CHD9: variants seen among roughly 807,000 people sequenced by gnomAD.
The protein encoded by CHD9 is chromodomain helicase DNA binding protein 9.
A neutral mutation model predicts 316.1 loss-of-function variants in CHD9; 77 were observed. The ratio of observed to expected loss-of-function variants is 0.24; its 90% CI spans 0.20 to 0.29. CHD9 has a LOEUF of 0.29. Ranked by LOEUF, CHD9 falls within the 10% of genes least tolerant of loss-of-function variation. The pLI is 1.00. For synonymous variants in CHD9, 1,129 were observed against 1,158.3 expected (o/e 0.97, Z 0.51); for missense variants, 2,763 against 3,438.1 (o/e 0.80, Z 4.91).
intron 1 of CHD9, among the ~76,000 whole-genome samples, chr16:53,144,883 T>A (rs1437126563): frequency 6.6e-6 from 1 of 151,492 alleles, no homozygotes; most frequent in Non-Finnish European, 1.5e-5. Flanking sequence ...TCTCAGCTAC[T>A]CAGGAGGCAG....
intron 13 of CHD9, among the ~76,000 whole-genome samples, chr16:53,244,476 C>T (rs560810594): frequency 1.3e-5 from 2 of 152,244 alleles, no homozygotes; most frequent in Admixed American, 1.3e-4. Context: ...CAGGCATGAG[C>T]CACCGCGCCC....
At position 53,245,780 on chromosome 16, in the gene CHD9, T is replaced by C; in HGVS notation, c.3384T>C (p.Thr1128=). The change falls in exon 15 of 39, where the codon ACT becomes ACC. Residue 1128 remains threonine, a synonymous_variant. Coordinates refer to ENST00000447540, the MANE Select transcript of CHD9 (RefSeq NM_001308319.2). The surrounding 1 kb of genome is among the most constrained non-coding windows in gnomAD (Gnocchi z 4.1). The part of the protein sequence containing the change: ...FSFLSKGAGQ[T]NVPNLVNTMM... ...TTTTATCCAAAGGAGCAGGACAAAC[T>C]AATGTACCTAACTTGGTCAATACCA... 8 of 1,606,188 alleles carry C rather than the reference T, an allele frequency of 5.0e-6. No homozygotes were observed. The highest frequency in any genetic ancestry group is 6.8e-6 in the Non-Finnish European group (8 of 1,176,850).
chr16:53,194,955 A>C (rs1014983490), intron 2 of CHD9, among the ~76,000 whole-genome samples: 2 of 152,248 alleles, frequency 1.3e-5, no homozygotes, highest in African/African-American at 2.4e-5. Flanking sequence ...GCATTAAGAG[A>C]ACAGTTGGTC....
rs540906966 is a variant in CHD9 at position 53,072,704 on chromosome 16, A to AT, written c.-165+17636dup. Among the ~76,000 whole-genome samples, 1,403 of 147,916 alleles carry AT rather than the reference A, an allele frequency of 9.5e-3. 27 individuals carry two copies. The highest frequency in any genetic ancestry group is 0.032 in the African/African-American group (1,290 of 39,790). ...AACTTTTTATTTTTTTATTTTTTTTATTTTTTTTTGAGACAGAGTCTAGCT... is the reference window on the plus strand; with the variant it reads ...AACTTTTTATTTTTTTATTTTTTTTATTTTTTTTTTGAGACAGAGTCTAGCT... On this transcript the variant is annotated intron_variant, in intron 1 of 38. Coordinates refer to ENST00000447540, the MANE Select transcript of CHD9 (RefSeq NM_001308319.2).
intron 1 of CHD9, among the ~76,000 whole-genome samples, chr16:53,142,530 C>T (rs1885846677): frequency 6.6e-6 from 1 of 152,224 alleles, no homozygotes; most frequent in Admixed American, 6.5e-5. Flanking sequence ...TGATCTCCAG[C>T]TTCTGGTCTC....
rs976081341 is a variant in CHD9 at position 53,318,537 on chromosome 16, A to C, written c.7713+197A>C. Among the ~76,000 whole-genome samples, 5 of 152,244 alleles carry C rather than the reference A, an allele frequency of 3.3e-5. No individual in the cohort carries two copies. The East Asian group carries it at 9.6e-4, about 29-fold the overall frequency. ...CTTGCTTCATTAGCTGAGCTATTAC[A>C]TGAAATAAGTCATTTAACACATCTG... On this transcript the variant is annotated intron_variant, in intron 37 of 38. Coordinates refer to ENST00000447540, the MANE Select transcript of CHD9 (RefSeq NM_001308319.2).
intron 36 of CHD9, among the ~76,000 whole-genome samples, chr16:53,316,788 C>T (rs369485057): frequency 1.3e-5 from 2 of 151,954 alleles, no homozygotes; most frequent in East Asian, 1.9e-4. Context: ...ACTGCCTAGG[C>T]AGTTTCTGAG....
intron 1 of CHD9, among the ~76,000 whole-genome samples, chr16:53,064,829 C>A (rs966989438): frequency 6.6e-6 from 1 of 152,130 alleles, no homozygotes; most frequent in Non-Finnish European, 1.5e-5. Context: ...GAAAAATTAG[C>A]CAGGTGGCAC....
intron 19 of CHD9, 110 bp downstream of exon 19, chr16:53,255,889 GA>G (rs765959152): frequency 6.3e-6 from 6 of 947,752 alleles, no homozygotes; most frequent in African/African-American, 1.6e-5. Flanking sequence ...AATTAGCCAA[GA>G]TGCAGTAGGT....
intron 5 of CHD9, chr16:53,227,041 AG>A (rs2047719546): frequency 9.2e-6 from 2 of 218,288 alleles, no homozygotes; most frequent in Non-Finnish European, 1.8e-5. Flanking sequence ...CTCAGCCACT[AG>A]CTGAGTACCT....
chr16:53,278,389 A>G (rs922341683), intron 24 of CHD9, among the ~76,000 whole-genome samples: 3 of 152,218 alleles, frequency 2.0e-5, no homozygotes, highest in African/African-American at 7.2e-5. Context: ...CCAAAACAGC[A>G]TGGTACTGGT....
chr16:53,186,071 G>C (rs1329868853), intron 2 of CHD9, among the ~76,000 whole-genome samples: 1 of 152,144 alleles, frequency 6.6e-6, no homozygotes, highest in East Asian at 1.9e-4. Context: ...GTGAGAAGAG[G>C]ATCACCATCC....
chr16:53,060,505 T>TC (rs2032742165), intron 1 of CHD9, among the ~76,000 whole-genome samples: 1 of 151,070 alleles, frequency 6.6e-6, no homozygotes, highest in African/African-American at 2.4e-5. Flanking sequence ...CACCTGTAAT[T>TC]CCAGAACTTT....
chr16:53,068,536 C>T (rs1334534393), intron 1 of CHD9, among the ~76,000 whole-genome samples: 2 of 152,198 alleles, frequency 1.3e-5, no homozygotes, highest in Admixed American at 1.3e-4. Flanking sequence ...CCACCTTAAG[C>T]ACCACTTCCT....
At chr16:53,060,565 C>A (rs368149588) in intron 1 of CHD9, among the ~76,000 whole-genome samples, 1 of 152,088 alleles carries the variant, frequency 6.6e-6, no homozygotes, top group African/African-American at 2.4e-5. Context: ...CCAGACCAGC[C>A]TGGGCAACAT....
chr16:53,244,313 C>T (rs1426893975), intron 13 of CHD9, among the ~76,000 whole-genome samples: 1 of 151,748 alleles, frequency 6.6e-6, no homozygotes, highest in Admixed American at 6.6e-5. Context: ...CTGCCTCAGC[C>T]TCCTGAGTAG....
intron 1 of CHD9, among the ~76,000 whole-genome samples, chr16:53,069,019 T>G (rs1218852377): frequency 1.3e-5 from 2 of 152,224 alleles, no homozygotes; most frequent in African/African-American, 4.8e-5. Flanking sequence ...TTTATTTTAT[T>G]TTTGAGACAG....
At chr16:53,283,382 T>C (rs1786399141) in intron 24 of CHD9, among the ~76,000 whole-genome samples, 2 of 151,532 alleles carry the variant, frequency 1.3e-5, no homozygotes, top group Non-Finnish European at 2.9e-5. Flanking sequence ...AGTTAGTCTT[T>C]AAAAACAGAA....
At chr16:53,146,415 G>GTGTGTATATATATATATATATATATATA (rs1224485632) in intron 1 of CHD9, among the ~76,000 whole-genome samples, 2 of 64,478 alleles carry the variant, frequency 3.1e-5, no homozygotes, top group African/African-American at 6.8e-5. Flanking sequence ...GTGTGTGTGT[G>GTGTGTATATATATATATATATATATATA]TATGTATATA....
Sources: gnomAD v4.1 joint callset for allele counts (sites outside exome capture counted in the v4.1 genomes callset) on GRCh38, gnomAD v4.1.1 for gene constraint, Gnocchi (gnomAD v3.1) non-coding constraint, MANE v1.5 for transcripts, NCBI Gene and HGNC (gene_info 2026-07-23, HGNC 2026-07-21) for gene names.